Variants in SNX25 observed in about 807,000 individuals in gnomAD.
SNX25 encodes the protein sorting nexin 25.
Under a neutral mutation model 113.7 loss-of-function variants are expected in SNX25, and 62 were observed. The observed-to-expected ratio is 0.55, with a 90% CI of 0.44 to 0.67. The LOEUF (loss-of-function observed/expected upper bound fraction) is 0.67, where lower values mean the gene tolerates loss of function less well. Ranked by LOEUF, SNX25 falls within the 30% of genes least tolerant of loss-of-function variation. The pLI, the probability that SNX25 is intolerant of heterozygous loss-of-function variation, is 0.00. For synonymous variants in SNX25, 421 were observed against 436.2 expected, an observed-to-expected ratio of 0.97 and a Z score of 0.43; for missense variants, 1,014 against 1,161.0, an observed-to-expected ratio of 0.87 and a Z score of 1.84.
intron 6 of SNX25, among the ~76,000 whole-genome samples, chr4:185,309,926 C>T (rs890927015): frequency 1.3e-5 from 2 of 152,232 alleles, no homozygotes; most frequent in African/African-American, 2.4e-5. Context: ...CTTCTGCCAG[C>T]ATCAGAGTTA....
intron 9 of SNX25, among the ~76,000 whole-genome samples, chr4:185,324,577 A>C (rs1429629444): frequency 6.6e-6 from 1 of 151,714 alleles, no homozygotes; most frequent in Non-Finnish European, 1.5e-5. Context: ...CTCTGGCTGG[A>C]GGGGAGGTTA....
chr4:185,216,103 C>A (rs1738764851), intron 1 of SNX25, among the ~76,000 whole-genome samples: 1 of 151,882 alleles, frequency 6.6e-6, no homozygotes, highest in African/African-American at 2.4e-5. Flanking sequence ...GACTTAAATT[C>A]ATTATTTTTT....
At chr4:185,316,924 A>G (rs557016658) in intron 7 of SNX25, among the ~76,000 whole-genome samples, 4 of 152,366 alleles carry the variant, frequency 2.6e-5, no homozygotes, top group Middle Eastern at 3.4e-3. Flanking sequence ...CTAGTAAACT[A>G]ACTAAATATT....
At chr4:185,335,389 G>A (rs1037642574) in intron 10 of SNX25, among the ~76,000 whole-genome samples, 6 of 151,552 alleles carry the variant, frequency 4.0e-5, no homozygotes, top group Non-Finnish European at 7.4e-5. Context: ...GATTGATGTT[G>A]AAAAAGGTTT....
intron 8 of SNX25, among the ~76,000 whole-genome samples, chr4:185,322,850 T>C (rs1353763153): frequency 6.6e-6 from 1 of 152,256 alleles, no homozygotes; most frequent in Admixed American, 6.5e-5. Flanking sequence ...CTGGGATGTA[T>C]GTTAAATTAG....
At chr4:185,343,998 C>T (rs2095272857) in intron 12 of SNX25, among the ~76,000 whole-genome samples, 1 of 152,134 alleles carries the variant, frequency 6.6e-6, no homozygotes, top group Non-Finnish European at 1.5e-5. Context: ...GTGGGCGGGT[C>T]CCTTGAGGTC....
downstream of SNX25, chr4:185,372,990 G>A (rs1221470395): frequency 6.2e-7 from 1 of 1,613,974 alleles, no homozygotes; most frequent in South Asian, 1.1e-5. Context: ...TATCCTGCCG[G>A]ATGCCTTGTC....
At chr4:185,328,726 A>T (rs2095173498) in intron 9 of SNX25, among the ~76,000 whole-genome samples, 1 of 152,198 alleles carries the variant, frequency 6.6e-6, no homozygotes, top group Non-Finnish European at 1.5e-5. Context: ...GATCTGCGAC[A>T]AATCAAACAT....
chr4:185,276,271 C>T (rs1749662875), intron 5 of SNX25, among the ~76,000 whole-genome samples: 1 of 152,112 alleles, frequency 6.6e-6, no homozygotes, highest in Non-Finnish European at 1.5e-5. Flanking sequence ...GGCACATTTC[C>T]CTCTATTAGC....
chr4:185,260,995 A>G (rs1473796587), intron 3 of SNX25, among the ~76,000 whole-genome samples: 1 of 152,136 alleles, frequency 6.6e-6, no homozygotes. Flanking sequence ...CAAGTGTTCC[A>G]TAGTTCCACC....
intron 6 of SNX25, among the ~76,000 whole-genome samples, chr4:185,289,564 C>G (rs1336685828): frequency 6.6e-6 from 1 of 152,112 alleles, no homozygotes; most frequent in Admixed American, 6.5e-5. Flanking sequence ...TCACAAAGGC[C>G]CAACTGGTAC....
At position 185,323,621 on chromosome 4, in the gene SNX25, C is replaced by T. The variant is rs758169639; in HGVS notation, c.1570C>T (p.Gln524Ter). The T allele has an allele frequency of 2.5e-6, 4 of 1,613,484 alleles. No individual in the cohort carries two copies. In the Admixed American group the frequency reaches 6.7e-5, roughly 27 times the overall value. Residue 524 changes from glutamine to a stop codon, truncating the protein, a stop_gained, in exon 9 of 19, where the codon CAG (glutamine) becomes TAG (stop). Coordinates refer to ENST00000652585, the MANE Select transcript of SNX25 (RefSeq NM_001378034.2). LOFTEE classifies it high-confidence loss of function. ...SVEKSLYKEIQQCLVGNKGIE... is the reference protein window; with the variant it reads ...SVEKSLYKEI ...GGAAAAATCACTTTACAAAGAAATTCAGCAGTGTCTTGTAGGAAATAAAGG... is the reference window on the plus strand; with the variant it reads ...GGAAAAATCACTTTACAAAGAAATTTAGCAGTGTCTTGTAGGAAATAAAGG...
rs138600025 is a variant in SNX25 at position 185,277,069 on chromosome 4, G to C, written c.1091+9914G>C. 2.6e-4 allele frequency among the ~76,000 whole-genome samples: 40 copies of C among 152,268 alleles called. No homozygotes were observed. The East Asian group carries it at 7.7e-3, about 29-fold the overall frequency. Reference sequence around the variant, plus strand: ...AGAAGGAGTCTCGCTCTGTCACCCAGGCTGGAGTGCAGTGGCACAATCTCA... The same window carrying C: ...AGAAGGAGTCTCGCTCTGTCACCCACGCTGGAGTGCAGTGGCACAATCTCA... On this transcript the variant is annotated intron_variant, in intron 5 of 18. Transcript: ENST00000652585.
In SNX25 at chr4:185,335,320, A is replaced by T. The variant is rs970099369; in HGVS notation, c.1914+2561A>T. On this transcript the variant is annotated intron_variant, in intron 10 of 18. Coordinates refer to ENST00000652585, the MANE Select transcript of SNX25 (RefSeq NM_001378034.2). ...GGGCAATAGAGTGAAAAAGTCTCAC[A>T]CACACACACACACACACACACACAC... 1.3e-3 allele frequency among the ~76,000 whole-genome samples: 140 copies of T among 109,568 alleles called. 1 individual carries two copies. The highest frequency in any genetic ancestry group is 3.9e-3 in the South Asian group (15 of 3,826). 71.9% of individuals were successfully genotyped at this position (109,568 alleles called of 152,430 possible).
intron 1 of SNX25, among the ~76,000 whole-genome samples, chr4:185,221,207 A>G (rs928324875): frequency 4.0e-5 from 6 of 151,624 alleles, no homozygotes; most frequent in African/African-American, 1.5e-4. Context: ...TAATTTTTGT[A>G]TTTTTTGTAG....
intron 14 of SNX25, 127 bp from the exon 15 acceptor site, chr4:185,353,358 T>A: frequency 1.5e-6 from 1 of 679,074 alleles, no homozygotes. Context: ...AGTTTCTGCA[T>A]GAAAACTAAA....
chr4:185,326,806 GACC>G lies in SNX25; in HGVS notation c.1749+3009_1749+3011del, dbSNP rs767969981. On this transcript the variant is annotated intron_variant, in intron 9 of 18. Coordinates refer to ENST00000652585, the MANE Select transcript of SNX25 (RefSeq NM_001378034.2). ...ACACATTTACCCTATTTTAATGTTT[GACC>G]ACAAGTTAAGATTTTTATAGACCCT... Among the ~76,000 whole-genome samples, 5 of 152,226 alleles carry G rather than the reference GACC, an allele frequency of 3.3e-5. No homozygotes were observed. The South Asian group carries it at 6.2e-4, about 19-fold the overall frequency.
rs905590596 is a variant in SNX25 at position 185,310,625 on chromosome 4, C to G, written c.1163-10C>G. ...CTCTGACCAGGTACTGTTTCTCACT[C>G]CTATTCAAGGTAAAGAAACTGCGGC... On this transcript the variant is annotated splice_polypyrimidine_tract_variant and intron_variant, in intron 6 of 18. Transcript: ENST00000652585. 8.7e-6 allele frequency: 14 copies of G among 1,611,296 alleles called. No homozygotes were observed. Among genetic ancestry groups the G allele is most frequent in the Non-Finnish European group, 1.1e-5 (13 of 1,178,484 alleles).
At chr4:185,284,470 AG>A (rs1751066681) in intron 5 of SNX25, among the ~76,000 whole-genome samples, 1 of 152,238 alleles carries the variant, frequency 6.6e-6, no homozygotes. Context: ...AGATCTAGGT[AG>A]GTGGACAAGT....
Sources: gnomAD v4.1 joint callset for allele counts (sites outside exome capture counted in the v4.1 genomes callset) on GRCh38, gnomAD v4.1.1 for gene constraint, MANE v1.5 for transcripts, NCBI Gene and HGNC (gene_info 2026-07-23, HGNC 2026-07-21) for gene names.